The following SLCO1B1 variants were observed in gnomAD, a reference collection of about 807,000 sequenced individuals.
The protein encoded by SLCO1B1 is OATP-2.
Under a neutral mutation model 70.1 loss-of-function variants are expected in SLCO1B1, and 81 were observed. That is an observed-to-expected ratio of 1.16 (90% CI 0.97 to 1.39). The LOEUF (loss-of-function observed/expected upper bound fraction) is 1.39. Ranked by LOEUF, SLCO1B1 falls within the 40% of genes most tolerant of loss-of-function variation. The probability of loss-of-function intolerance (pLI) is 0.00; values close to 1 mark genes in which losing one functional copy is unlikely to be tolerated. For synonymous variants in SLCO1B1, 283 were observed against 271.5 expected (o/e 1.04, Z -0.42); for missense variants, 895 against 799.6 (o/e 1.12, Z -1.44).
intron 1 of SLCO1B1, among the ~76,000 whole-genome samples, chr12:21,133,453 C>T (rs935553357): frequency 6.6e-6 from 1 of 152,122 alleles, no homozygotes; most frequent in African/African-American, 2.4e-5. Flanking sequence ...ATTGATTCTT[C>T]CTGCCCATGA....
chr12:21,194,550 C>T (rs1053978792), intron 7 of SLCO1B1, among the ~76,000 whole-genome samples: 26 of 152,100 alleles, frequency 1.7e-4, no homozygotes, highest in African/African-American at 5.8e-4. Flanking sequence ...GTCCATGTCA[C>T]GATCTGCATT....
At chr12:21,168,038 G>A (rs955313574) in intron 2 of SLCO1B1, among the ~76,000 whole-genome samples, 2 of 151,548 alleles carry the variant, frequency 1.3e-5, no homozygotes, top group Non-Finnish European at 2.9e-5. Flanking sequence ...GGCTAGGCTG[G>A]TCTCAAACTC....
intron 2 of SLCO1B1, among the ~76,000 whole-genome samples, chr12:21,168,750 T>G (rs7294549): frequency 0.32 from 49,221 of 151,990 alleles, 9,735 homozygotes; most frequent in African/African-American, 0.55. Flanking sequence ...TGTTGTTGTT[T>G]CCTTGGAAAA....
Position 21,222,397 on chromosome 12 carries a change from A to AAAAATATATAT in SLCO1B1, c.1747+34_1747+35insAAATATATATA, listed in dbSNP as rs1555097342. 59 of 97,698 alleles carry AAAAATATATAT rather than the reference A, an allele frequency of 6.0e-4. 1 individual carries two copies. Among genetic ancestry groups the AAAAATATATAT allele is most frequent in the Non-Finnish European group, 8.7e-4 (50 of 57,472 alleles). 6.1% of individuals were successfully genotyped at this position (97,698 alleles called of 1,614,324 possible). ...GAAAAAAAAAAAAAAAAAAAAAAAA[A>AAAAATATATAT]ATATATATATATATATATATATATA... On this transcript the variant is annotated intron_variant, in intron 13 of 14. Transcript: ENST00000256958.
chr12:21,205,805 C>A, intron 10 of SLCO1B1, 63 bp from the exon 11 acceptor site: 2 of 1,219,006 alleles, frequency 1.6e-6, no homozygotes, highest in South Asian at 2.7e-5. Context: ...TCCTTCTCCT[C>A]CCCTTCTTTG....
At chr12:21,135,882 G>C (rs1940213524) in intron 1 of SLCO1B1, among the ~76,000 whole-genome samples, 1 of 152,288 alleles carries the variant, frequency 6.6e-6, no homozygotes, top group East Asian at 1.9e-4. Flanking sequence ...TCATTGTGAT[G>C]TTAGCTGGTT....
chr12:21,209,458 C>A (rs11519272), intron 11 of SLCO1B1, among the ~76,000 whole-genome samples: 28,490 of 151,914 alleles, frequency 0.19, 3,006 homozygotes, highest in East Asian at 0.45. Context: ...CAGTCTATCA[C>A]TGTTGGACAT....
intron 2 of SLCO1B1, 124 bp from the exon 3 acceptor site, chr12:21,172,526 T>G: frequency 9.0e-7 from 1 of 1,105,304 alleles, no homozygotes; most frequent in Non-Finnish European, 1.4e-6. Flanking sequence ...AAACTAAGTA[T>G]GGTTTTTAAG....
At chr12:21,137,441 A>G (rs1222119641) in intron 1 of SLCO1B1, among the ~76,000 whole-genome samples, 1 of 152,200 alleles carries the variant, frequency 6.6e-6, no homozygotes, top group African/African-American at 2.4e-5. Context: ...TGGAGCCTAC[A>G]GAGGCAGGCA....
chr12:21,157,448 TC>T (rs571886127), intron 2 of SLCO1B1, among the ~76,000 whole-genome samples: 227 of 152,258 alleles, frequency 1.5e-3, no homozygotes, highest in African/African-American at 5.2e-3. Flanking sequence ...TACATTCAAT[TC>T]AAAATTTAAC....
At chr12:21,158,830 T>G (rs1028646459) in intron 2 of SLCO1B1, among the ~76,000 whole-genome samples, 1 of 151,976 alleles carries the variant, frequency 6.6e-6, no homozygotes, top group African/African-American at 2.4e-5. Flanking sequence ...TAAAAAACAA[T>G]TTACTAAAAC....
intron 5 of SLCO1B1, among the ~76,000 whole-genome samples, chr12:21,177,428 TAAAG>T (rs764714256): frequency 2.2e-4 from 33 of 152,186 alleles, no homozygotes; most frequent in Non-Finnish European, 3.5e-4. Context: ...TTATATCATT[TAAAG>T]ACTTTTTGCC....
At chr12:21,179,299 A>G (rs535814306) in intron 7 of SLCO1B1, among the ~76,000 whole-genome samples, 11 of 152,256 alleles carry the variant, frequency 7.2e-5, no homozygotes, top group African/African-American at 2.6e-4. Context: ...TCTCCCTCCC[A>G]AACTGACTGT....
At chr12:21,165,218 G>T (rs1340795032) in intron 2 of SLCO1B1, among the ~76,000 whole-genome samples, 4 of 152,140 alleles carry the variant, frequency 2.6e-5, no homozygotes, top group Non-Finnish European at 5.9e-5. Flanking sequence ...TTATCTCAAT[G>T]TCAGTTGTCT....
Position 21,204,127 on chromosome 12 carries a change from G to T in SLCO1B1, c.1331+1441G>T, listed in dbSNP as rs114654673. 6.0e-3 allele frequency among the ~76,000 whole-genome samples: 910 copies of T among 151,880 alleles called. 12 individuals carry two copies. Among genetic ancestry groups the T allele is most frequent in the African/African-American group, 0.021 (881 of 41,456 alleles). Reference sequence around the variant, plus strand: ...GGATTCAACATTCATAAAATCCTGCGACTGGGATAAGTTTTTTTTTAAGTA... The same window carrying T: ...GGATTCAACATTCATAAAATCCTGCTACTGGGATAAGTTTTTTTTTAAGTA... On this transcript the variant is annotated intron_variant, in intron 10 of 14. Coordinates refer to ENST00000256958, the MANE Select transcript of SLCO1B1 (RefSeq NM_006446.5).
chr12:21,137,912 C>T (rs1433562899), intron 1 of SLCO1B1, among the ~76,000 whole-genome samples: 1 of 152,170 alleles, frequency 6.6e-6, no homozygotes, highest in Non-Finnish European at 1.5e-5. Flanking sequence ...GCAGAAATCA[C>T]CAGTCTTCTG....
intron 7 of SLCO1B1, among the ~76,000 whole-genome samples, chr12:21,194,570 A>T (rs1941070498): frequency 6.6e-6 from 1 of 152,070 alleles, no homozygotes; most frequent in Middle Eastern, 3.2e-3. Context: ...TTTGGTCATA[A>T]TCATTTATCA....
intron 10 of SLCO1B1, 37 bp from the exon 11 acceptor site, chr12:21,205,831 T>C (rs367936860): frequency 1.4e-6 from 2 of 1,475,350 alleles, no homozygotes. Flanking sequence ...TTCTTCTCTC[T>C]CTCTCTTTTT....
chr12:21,235,865 A>C (rs1429438370), intron 14 of SLCO1B1, among the ~76,000 whole-genome samples: 1 of 152,134 alleles, frequency 6.6e-6, no homozygotes, highest in African/African-American at 2.4e-5. Flanking sequence ...TAAGTCTAAC[A>C]ATAGGCCCCC....
Sources: gnomAD v4.1 joint callset for allele counts (sites outside exome capture counted in the v4.1 genomes callset) on GRCh38, gnomAD v4.1.1 for gene constraint, MANE v1.5 for transcripts, NCBI Gene and HGNC (gene_info 2026-07-23, HGNC 2026-07-21) for gene names.